The following CNTN5 variants were observed in gnomAD, a reference collection of about 807,000 sequenced individuals.
CNTN5 encodes contactin 5.
Under a neutral mutation model 129.1 loss-of-function variants are expected in CNTN5, and 77 were observed. The ratio of observed to expected loss-of-function variants is 0.60; its 90% CI spans 0.50 to 0.72. The LOEUF (loss-of-function observed/expected upper bound fraction) is 0.72. Among genes scored for constraint, CNTN5 ranks in the 30% least tolerant of loss-of-function variants. The pLI, the probability that CNTN5 is intolerant of heterozygous loss-of-function variation, is 0.00. For missense variants in CNTN5, 1,478 were observed against 1,328.8 expected, an observed-to-expected ratio of 1.11 and a Z score of -1.75; for synonymous variants, 509 against 465.6, an observed-to-expected ratio of 1.09 and a Z score of -1.20.
At position 100,356,990 on chromosome 11, in the gene CNTN5, C is replaced by T. The variant is rs1952538826; in HGVS notation, c.*770C>T. On this transcript the variant is annotated 3_prime_UTR_variant, in exon 25 of 25. Transcript: ENST00000524871. ...TTAATAACAAAAGATGGTTTAACATCACCAAAAAATATGATCACTAAAAAC... is the reference window on the plus strand; with the variant it reads ...TTAATAACAAAAGATGGTTTAACATTACCAAAAAATATGATCACTAAAAAC... 6.6e-6 allele frequency: 1 copy of T among 151,670 alleles called. No individual in the cohort carries two copies. Among genetic ancestry groups the T allele is most frequent in the Admixed American group, 6.6e-5 (1 of 15,168 alleles). The allele number at this position is 151,670 out of a possible 1,614,324, so 9.4% of individuals were successfully genotyped here.
chr11:99,739,719 C>T (rs1340404558), intron 3 of CNTN5, among the ~76,000 whole-genome samples: 2 of 152,132 alleles, frequency 1.3e-5, no homozygotes, highest in Non-Finnish European at 2.9e-5. Context: ...CTTACCAAGT[C>T]AATTACATGA....
At chr11:99,075,503 A>G (rs1258989204) in intron 1 of CNTN5, among the ~76,000 whole-genome samples, 1 of 152,194 alleles carries the variant, frequency 6.6e-6, no homozygotes, top group Non-Finnish European at 1.5e-5. Context: ...AAATCAAAAG[A>G]AATGTAAAAT....
chr11:99,437,843 A>C (rs1294711131), intron 2 of CNTN5, among the ~76,000 whole-genome samples: 2 of 152,154 alleles, frequency 1.3e-5, no homozygotes, highest in Non-Finnish European at 2.9e-5. Flanking sequence ...AACAAACAAA[A>C]AAAGTAATTA....
At chr11:99,560,476 G>A (rs961902136) in intron 3 of CNTN5, among the ~76,000 whole-genome samples, 12 of 151,876 alleles carry the variant, frequency 7.9e-5, no homozygotes, top group African/African-American at 2.9e-4. Flanking sequence ...ATTTTTAGTA[G>A]AGGTGGGTTT....
intron 2 of CNTN5, among the ~76,000 whole-genome samples, chr11:99,394,551 CTTTTA>C (rs896400172): frequency 1.3e-4 from 19 of 151,130 alleles, no homozygotes; most frequent in African/African-American, 4.6e-4. Context: ...CTTTTTAAAA[CTTTTA>C]TTTTAAGTTC....
intron 3 of CNTN5, among the ~76,000 whole-genome samples, chr11:99,620,346 ATAG>A (rs1187571856): frequency 1.6e-5 from 2 of 124,984 alleles, no homozygotes; most frequent in Admixed American, 1.9e-4. Flanking sequence ...AAATATCTTA[ATAG>A]TATACAATTA....
chr11:99,397,749 ATT>A (rs773237468), intron 2 of CNTN5, among the ~76,000 whole-genome samples: 5 of 151,628 alleles, frequency 3.3e-5, no homozygotes, highest in Non-Finnish European at 5.9e-5. Context: ...TTTCAGGCTC[ATT>A]TTACATATTT....
chr11:99,425,891 G>A (rs976023621), intron 2 of CNTN5, among the ~76,000 whole-genome samples: 7 of 152,204 alleles, frequency 4.6e-5, no homozygotes, highest in African/African-American at 1.7e-4. Context: ...TCACAGCGCT[G>A]CTCCAGAAAG....
intron 7 of CNTN5, among the ~76,000 whole-genome samples, chr11:99,950,522 G>T (rs1261248875): frequency 3.9e-5 from 6 of 152,112 alleles, no homozygotes; most frequent in Non-Finnish European, 5.9e-5. Flanking sequence ...TCTTTCTCTT[G>T]GTACTAACCA....
intron 6 of CNTN5, among the ~76,000 whole-genome samples, chr11:99,891,756 G>A (rs1949066028): frequency 6.6e-6 from 1 of 152,090 alleles, no homozygotes; most frequent in African/African-American, 2.4e-5. Context: ...TTGGTTCGAA[G>A]TCTTTGCTAT....
chr11:99,265,687 T>C (rs1369517545), intron 1 of CNTN5, among the ~76,000 whole-genome samples: 1 of 152,034 alleles, frequency 6.6e-6, no homozygotes, highest in Non-Finnish European at 1.5e-5. Context: ...ACCCAACTCA[T>C]ATTTATATTT....
At chr11:99,133,914 C>G (rs534522581) in intron 1 of CNTN5, among the ~76,000 whole-genome samples, 2 of 152,038 alleles carry the variant, frequency 1.3e-5, no homozygotes, top group African/African-American at 4.8e-5. Context: ...TGGGTATATA[C>G]GCAAAGGAAT....
At chr11:99,696,640 C>G (rs1348492477) in intron 3 of CNTN5, among the ~76,000 whole-genome samples, 1 of 149,080 alleles carries the variant, frequency 6.7e-6, no homozygotes, top group Non-Finnish European at 1.5e-5. Flanking sequence ...TTTTTTTTAA[C>G]TTTTTACTAA....
intron 1 of CNTN5, among the ~76,000 whole-genome samples, chr11:99,240,282 A>G (rs1861482378): frequency 6.6e-6 from 1 of 152,112 alleles, no homozygotes; most frequent in Non-Finnish European, 1.5e-5. Flanking sequence ...ATAATGAGAA[A>G]AAATCTATTC....
At chr11:99,315,461 T>C (rs1591511521) in intron 1 of CNTN5, among the ~76,000 whole-genome samples, 1 of 149,384 alleles carries the variant, frequency 6.7e-6, no homozygotes, top group African/African-American at 2.4e-5. Context: ...AAGCACCAGG[T>C]TGAACTTTGG....
intron 8 of CNTN5, among the ~76,000 whole-genome samples, chr11:99,975,625 A>T (rs1555170422): frequency 2.0e-5 from 3 of 152,298 alleles, no homozygotes; most frequent in Non-Finnish European, 4.4e-5. Flanking sequence ...GGCATATCTT[A>T]CGTGGCAGCA....
chr11:99,411,583 C>T (rs1228351008), intron 2 of CNTN5, among the ~76,000 whole-genome samples: 1 of 152,084 alleles, frequency 6.6e-6, no homozygotes, highest in Non-Finnish European at 1.5e-5. Flanking sequence ...CTTTTTATCA[C>T]AGCTCTTAGG....
chr11:100,349,153 A>G (rs1952349291), intron 23 of CNTN5, among the ~76,000 whole-genome samples: 1 of 152,108 alleles, frequency 6.6e-6, no homozygotes, highest in South Asian at 2.1e-4. Flanking sequence ...ATGAAAAAAA[A>G]GAAAGTGAAA....
intron 1 of CNTN5, among the ~76,000 whole-genome samples, chr11:99,279,651 T>C (rs1324654934): frequency 1.3e-5 from 2 of 151,738 alleles, no homozygotes; most frequent in Non-Finnish European, 2.9e-5. Context: ...ATTTTTATAC[T>C]TCAGTAAACT....
Sources: gnomAD v4.1 joint callset for allele counts (sites outside exome capture counted in the v4.1 genomes callset) on GRCh38, gnomAD v4.1.1 for gene constraint, MANE v1.5 for transcripts, NCBI Gene and HGNC (gene_info 2026-07-23, HGNC 2026-07-21) for gene names.